The following ARHGEF7 variants were observed in gnomAD, a reference collection of about 807,000 sequenced individuals.
ARHGEF7 encodes the protein Rho guanine nucleotide exchange factor 7.
A neutral mutation model predicts 109.8 loss-of-function variants in ARHGEF7; 33 were observed. The ratio of observed to expected loss-of-function variants is 0.30; its 90% CI spans 0.23 to 0.40. ARHGEF7 has a LOEUF of 0.40. ARHGEF7 is among the 10% of genes least tolerant of loss of function. ARHGEF7 has a pLI of 1.00. For missense variants in ARHGEF7, 938 were observed against 1,098.5 expected (o/e 0.85, Z 2.07); for synonymous variants, 458 against 424.6 (o/e 1.08, Z -0.97).
At chr13:111,295,401 T>A (rs968690181) in intron 19 of ARHGEF7, among the ~76,000 whole-genome samples, 1 of 152,234 alleles carries the variant, frequency 6.6e-6, no homozygotes, top group Non-Finnish European at 1.5e-5. Flanking sequence ...GTACATTTCT[T>A]ATTTCATCTC....
Position 111,154,079 on chromosome 13 carries a change from GCCT to G in ARHGEF7, c.252+94_252+96del. ...GTGCTTCGCTCCAGCCGGACCTCCT[GCCT>G]CCTCCGCGCCCGGATCCGACCCTCC... is the stretch of plus-strand genomic sequence containing the variant. On this transcript the variant is annotated intron_variant, in intron 2 of 21. Transcript: ENST00000646102. 3.9e-6 allele frequency: 5 copies of G among 1,285,558 alleles called. No individual in the cohort carries two copies. In the South Asian group the frequency reaches 7.4e-5, roughly 19 times the overall value. The allele number at this position is 1,285,558 out of a possible 1,614,324, so 79.6% of individuals were successfully genotyped here.
chr13:111,166,310 A>C (rs188918129), intron 2 of ARHGEF7, among the ~76,000 whole-genome samples: 1 of 152,254 alleles, frequency 6.6e-6, no homozygotes, highest in East Asian at 1.9e-4. Context: ...AGTCGTGGGG[A>C]GCGAGATCAG....
intron 2 of ARHGEF7, among the ~76,000 whole-genome samples, chr13:111,185,448 C>T (rs1041037696): frequency 2.0e-5 from 3 of 152,190 alleles, no homozygotes; most frequent in African/African-American, 7.2e-5. Flanking sequence ...TCTCTCATTT[C>T]GGTGGCACCT....
At chr13:111,257,618 A>G (rs969089184) in intron 8 of ARHGEF7, among the ~76,000 whole-genome samples, 33 of 152,278 alleles carry the variant, frequency 2.2e-4, no homozygotes, top group African/African-American at 7.7e-4. Context: ...CTTAAGAATC[A>G]GAATCAGGTG....
chr13:111,286,873 G>A (rs1267586118), intron 17 of ARHGEF7, among the ~76,000 whole-genome samples: 1 of 152,228 alleles, frequency 6.6e-6, no homozygotes, highest in Non-Finnish European at 1.5e-5. Flanking sequence ...ACAGATTGCT[G>A]TGGACTGATG....
chr13:111,302,401 A>C (rs969039333), intron 21 of ARHGEF7, among the ~76,000 whole-genome samples: 1 of 152,218 alleles, frequency 6.6e-6, no homozygotes, highest in African/African-American at 2.4e-5. Context: ...TAGAGAGCTG[A>C]GAGCAGGTTG....
intron 1 of ARHGEF7, chr13:111,143,626 C>T (rs577836190): frequency 3.2e-4 from 48 of 152,326 alleles, no homozygotes; most frequent in Admixed American, 2.7e-3. Context: ...GAACAATCTT[C>T]GACCACCAGA....
intron 6 of ARHGEF7, chr13:111,241,361 C>T: frequency 6.5e-7 from 1 of 1,535,684 alleles, no homozygotes; most frequent in Non-Finnish European, 8.7e-7. Flanking sequence ...CGGCTGCGCC[C>T]CGAGGTCAGG....
chr13:111,181,869 A>C (rs1808112397), intron 2 of ARHGEF7, among the ~76,000 whole-genome samples: 2 of 152,222 alleles, frequency 1.3e-5, no homozygotes, highest in South Asian at 2.1e-4. Context: ...GGGGCCAGAC[A>C]TCATGCAGGT....
chr13:111,232,159 T>C (rs549310960), intron 5 of ARHGEF7, among the ~76,000 whole-genome samples: 197 of 152,138 alleles, frequency 1.3e-3, no homozygotes, highest in African/African-American at 4.5e-3. Flanking sequence ...ACCCACCCTA[T>C]AGAATTGTGA....
intron 5 of ARHGEF7, among the ~76,000 whole-genome samples, chr13:111,224,171 C>T (rs2084866855): frequency 6.6e-6 from 1 of 152,214 alleles, no homozygotes; most frequent in Admixed American, 6.5e-5. Flanking sequence ...GCATTTTTTA[C>T]AGGCTGATAT....
At chr13:111,153,837 C>T in intron 1 of ARHGEF7, 68 bp from the exon 2 acceptor site, 2 of 1,550,596 alleles carry the variant, frequency 1.3e-6, no homozygotes, top group East Asian at 2.7e-5. Context: ...CCGTGGGCGT[C>T]GCTCGGCCTT....
intron 4 of ARHGEF7, among the ~76,000 whole-genome samples, chr13:111,217,237 TCTGGAAATATA>T (rs2083258059): frequency 6.6e-6 from 1 of 152,246 alleles, no homozygotes; most frequent in South Asian, 2.1e-4. Context: ...GTATATGGTA[TCTGGAAATATA>T]CTGGAAATAA....
In ARHGEF7 at chr13:111,131,745, T is replaced by C. The variant is rs1467973902; in HGVS notation, c.165+16054T>C. Among the ~76,000 whole-genome samples, 1 of 152,012 alleles carries C rather than the reference T, an allele frequency of 6.6e-6. No homozygotes were observed. Among genetic ancestry groups the C allele is most frequent in the African/African-American group, 2.4e-5 (1 of 41,374 alleles). On this transcript the variant is annotated intron_variant, in intron 1 of 21. Coordinates refer to ENST00000646102, the MANE Select transcript of ARHGEF7 (RefSeq NM_001354046.2). This position sits in a 1 kb window ranked among gnomAD's most constrained non-coding sequence, Gnocchi z 4.4. Reference sequence around the variant, plus strand: ...GGTCAGGTGAGTGCAATTCAGAAGATTGTCTGCTGGCTTGGGCCTGTGCTG... The same window carrying C: ...GGTCAGGTGAGTGCAATTCAGAAGACTGTCTGCTGGCTTGGGCCTGTGCTG...
At chr13:111,248,949 G>A (rs374611019) in intron 8 of ARHGEF7, among the ~76,000 whole-genome samples, 8 of 152,272 alleles carry the variant, frequency 5.3e-5, no homozygotes, top group African/African-American at 1.9e-4. Context: ...TTGCTTGTTT[G>A]ACAGGCAGTT....
intron 1 of ARHGEF7, among the ~76,000 whole-genome samples, chr13:111,132,531 G>A (rs1486017374): frequency 1.3e-5 from 2 of 152,190 alleles, no homozygotes; most frequent in Non-Finnish European, 2.9e-5. Flanking sequence ...AAGTTCAGGT[G>A]CATGTTGAGG....
intron 8 of ARHGEF7, among the ~76,000 whole-genome samples, chr13:111,248,706 GT>G (rs1258562839): frequency 6.6e-6 from 1 of 152,148 alleles, no homozygotes; most frequent in Non-Finnish European, 1.5e-5. Context: ...TAAAAAAAGT[GT>G]TTAGTTCTCT....
chr13:111,294,475 T>G (rs2093380106), intron 19 of ARHGEF7: 1 of 985,488 alleles, frequency 1.0e-6, no homozygotes, highest in Non-Finnish European at 1.2e-6. Flanking sequence ...CACCAAAGTT[T>G]TGACGGTTTA....
chr13:111,212,438 G>T (rs149972967), intron 4 of ARHGEF7, among the ~76,000 whole-genome samples: 39 of 152,238 alleles, frequency 2.6e-4, no homozygotes, highest in African/African-American at 6.7e-4. Flanking sequence ...CTCTTTGTTC[G>T]ACACCGCTGG....
Sources: allele counts gnomAD v4.1 joint callset (sites outside exome capture counted in the v4.1 genomes callset), GRCh38; gene constraint gnomAD v4.1.1; non-coding constraint Gnocchi (gnomAD v3.1); transcripts MANE v1.5; gene names NCBI Gene and HGNC (gene_info 2026-07-23, HGNC 2026-07-21).